The following CHLSN variants were observed in gnomAD, a reference collection of about 807,000 sequenced individuals.
CHLSN encodes cholesin.
chr7:1,015,244 C>T, the CHLSN span, among the ~76,000 whole-genome samples: 96 of 152,078 alleles, frequency 6.3e-4, no homozygotes, highest in Admixed American at 6.1e-3. Flanking sequence ...CGGGAAGAGG[C>T]GTGGCCTCCC....
chr7:1,135,561 G>GT, the CHLSN span, among the ~76,000 whole-genome samples: 6,896 of 151,552 alleles, frequency 0.046, 541 homozygotes, highest in African/African-American at 0.16. Context: ...GAGGTCAGGA[G>GT]TTTGAGACCA....
chr7:1,011,013 G>T, the CHLSN span, among the ~76,000 whole-genome samples: 1 of 151,618 alleles, frequency 6.6e-6, no homozygotes, highest in African/African-American at 2.4e-5. Flanking sequence ...ACCCCAGGGA[G>T]AGCAAAGAAG....
the CHLSN span, among the ~76,000 whole-genome samples, chr7:1,066,988 G>A: frequency 6.7e-6 from 1 of 148,570 alleles, no homozygotes; most frequent in East Asian, 2.0e-4. Flanking sequence ...GTGAGGGTTT[G>A]GGGCACAGTC....
At chr7:1,026,185 G>C in the CHLSN span, 1 of 152,316 alleles carries the variant, frequency 6.6e-6, no homozygotes, top group South Asian at 2.1e-4. Flanking sequence ...GGGCTGGGCG[G>C]CTCCAATTTG....
At chr7:1,015,201 G>C in the CHLSN span, among the ~76,000 whole-genome samples, 45 of 152,284 alleles carry the variant, frequency 3.0e-4, 3 homozygotes, top group African/African-American at 9.6e-4. Context: ...AATTGTTTGG[G>C]GGGGCTGAGG....
chr7:1,007,217 A>C, the CHLSN span, among the ~76,000 whole-genome samples: 181 of 152,342 alleles, frequency 1.2e-3, no homozygotes, highest in African/African-American at 4.2e-3. Context: ...ACCTGGCTGC[A>C]GATGGCTTTG....
the CHLSN span, among the ~76,000 whole-genome samples, chr7:1,061,886 C>G: frequency 6.6e-6 from 1 of 151,484 alleles, no homozygotes; most frequent in East Asian, 1.9e-4. Flanking sequence ...CTCCCCAATT[C>G]TTCCAGGCAG....
At chr7:1,030,821 G>C in the CHLSN span, among the ~76,000 whole-genome samples, 3 of 152,088 alleles carry the variant, frequency 2.0e-5, no homozygotes, top group Admixed American at 1.3e-4. Flanking sequence ...GGCTCTCTCT[G>C]GGCAGGTGCC....
the CHLSN span, among the ~76,000 whole-genome samples, chr7:1,127,104 C>T: frequency 2.4e-4 from 36 of 152,312 alleles, no homozygotes; most frequent in African/African-American, 8.7e-4. Context: ...GTCCTACAAT[C>T]GCTTCTGGAA....
At chr7:1,058,743 A>G in the CHLSN span, 1 of 568,842 alleles carries the variant, frequency 1.8e-6, no homozygotes, top group Non-Finnish European at 3.2e-6. Flanking sequence ...TGCGTCTCCC[A>G]AACACGCAGC....
chr7:1,059,740 G>T, the CHLSN span, among the ~76,000 whole-genome samples: 1 of 53,320 alleles, frequency 1.9e-5, no homozygotes, highest in African/African-American at 7.3e-5. Flanking sequence ...TAGGGGGGCG[G>T]GTCCGTAGTG....
the CHLSN span, chr7:1,138,001 CACCGGCCG>C: frequency 1.5e-4 from 4 of 26,962 alleles, no homozygotes; most frequent in African/African-American, 3.1e-3. Flanking sequence ...CGCCGGGACG[CACCGGCCG>C]CACCGGCCGC....
chr7:1,020,831 T>A, the CHLSN span, among the ~76,000 whole-genome samples: 1 of 151,936 alleles, frequency 6.6e-6, no homozygotes, highest in African/African-American at 2.4e-5. Flanking sequence ...AACGGAGGAG[T>A]GCAGGGGTCA....
the CHLSN span, among the ~76,000 whole-genome samples, chr7:1,122,508 G>A: frequency 6.6e-6 from 1 of 152,188 alleles, no homozygotes; most frequent in South Asian, 2.1e-4. Flanking sequence ...GAAGCTAAGG[G>A]TCCCCTTTAG....
At chr7:987,209 G>GC in the CHLSN span, 1 of 1,546,230 alleles carries the variant, frequency 6.5e-7, no homozygotes, top group East Asian at 2.4e-5. Flanking sequence ...GCTGCAGTGG[G>GC]CCGCACTTCT....
chr7:1,110,108 C>T, the CHLSN span, among the ~76,000 whole-genome samples: 1 of 152,152 alleles, frequency 6.6e-6, no homozygotes, highest in Admixed American at 6.5e-5. Context: ...CGGGTGCCCA[C>T]AGGAGACAGA....
chr7:1,124,551 G>C, the CHLSN span, among the ~76,000 whole-genome samples: 8 of 122,268 alleles, frequency 6.5e-5, no homozygotes, highest in Admixed American at 6.7e-4. Context: ...GAGTGAGTAA[G>C]AGGCAGTCGG....
chr7:984,909 G>A, the CHLSN span: 9 of 1,541,402 alleles, frequency 5.8e-6, no homozygotes, highest in Non-Finnish European at 7.8e-6. Context: ...GGCTGGCTGG[G>A]GTGGGAACCT....
At chr7:1,045,403 C>G in the CHLSN span, 1 of 152,266 alleles carries the variant, frequency 6.6e-6, no homozygotes, top group Non-Finnish European at 1.5e-5. Context: ...ATAGCCAGCT[C>G]CTGTCCACAC....
Sources: allele counts gnomAD v4.1 joint callset (sites outside exome capture counted in the v4.1 genomes callset), GRCh38; gene constraint gnomAD v4.1.1; transcripts MANE v1.5; gene names NCBI Gene and HGNC (gene_info 2026-07-23, HGNC 2026-07-21).